The following ARB2A variants were observed in gnomAD, a reference collection of about 807,000 sequenced individuals.
The protein encoded by ARB2A is ARB2 cotranscriptional regulator A, also known as cotranscriptional regulator ARB2A.
At chr5:93,720,133 T>C in the ARB2A span, among the ~76,000 whole-genome samples, 2 of 152,216 alleles carry the variant, frequency 1.3e-5, no homozygotes, top group Non-Finnish European at 2.9e-5. Flanking sequence ...TGTTTCCTCA[T>C]ATCCTTTAAT....
At chr5:94,015,341 A>C in the ARB2A span, among the ~76,000 whole-genome samples, 1 of 152,204 alleles carries the variant, frequency 6.6e-6, no homozygotes, top group Non-Finnish European at 1.5e-5. Context: ...TTTCGTAGAC[A>C]AACAAAAGCT....
the ARB2A span, among the ~76,000 whole-genome samples, chr5:94,001,588 A>T: frequency 6.6e-6 from 1 of 152,034 alleles, no homozygotes; most frequent in Non-Finnish European, 1.5e-5. Flanking sequence ...TTCCTCAGTC[A>T]TGTCCAGTCC....
the ARB2A span, among the ~76,000 whole-genome samples, chr5:93,878,742 A>C: frequency 1.3e-5 from 2 of 152,110 alleles, no homozygotes; most frequent in Non-Finnish European, 2.9e-5. Context: ...CTTTGTCATC[A>C]AATGTTGTTT....
chr5:93,819,409 T>C, the ARB2A span, among the ~76,000 whole-genome samples: 1 of 152,216 alleles, frequency 6.6e-6, no homozygotes, highest in African/African-American at 2.4e-5. Flanking sequence ...CTTGAAGTTA[T>C]ATTACAAATG....
chr5:93,962,426 T>C, the ARB2A span, among the ~76,000 whole-genome samples: 2 of 152,196 alleles, frequency 1.3e-5, no homozygotes, highest in African/African-American at 4.8e-5. Flanking sequence ...AACATAGGCA[T>C]GATCATAATG....
At chr5:93,937,972 A>T in the ARB2A span, among the ~76,000 whole-genome samples, 5 of 152,198 alleles carry the variant, frequency 3.3e-5, no homozygotes, top group African/African-American at 7.2e-5. Context: ...GAGTATTTTG[A>T]ACCTATGGTT....
the ARB2A span, among the ~76,000 whole-genome samples, chr5:93,819,267 G>A: frequency 6.8e-6 from 1 of 147,706 alleles, no homozygotes; most frequent in African/African-American, 2.5e-5. Context: ...TCATGTTGTT[G>A]TAATATACAT....
chr5:94,104,410 A>C, the ARB2A span, among the ~76,000 whole-genome samples: 6 of 151,918 alleles, frequency 3.9e-5, no homozygotes, highest in Non-Finnish European at 7.4e-5. Flanking sequence ...ATCTTAGAGA[A>C]AAATGGATAA....
At chr5:94,014,529 T>C in the ARB2A span, among the ~76,000 whole-genome samples, 1 of 152,034 alleles carries the variant, frequency 6.6e-6, no homozygotes, top group Non-Finnish European at 1.5e-5. Flanking sequence ...ACCATAACTT[T>C]CCCCAAATAG....
At chr5:93,668,091 T>A in the ARB2A span, among the ~76,000 whole-genome samples, 1 of 152,208 alleles carries the variant, frequency 6.6e-6, no homozygotes, top group African/African-American at 2.4e-5. Flanking sequence ...AATATTATGT[T>A]CTTAAAGCTT....
chr5:94,111,631 C>T, the ARB2A span: 1 of 152,270 alleles, frequency 6.6e-6, no homozygotes, highest in Non-Finnish European at 1.5e-5. Flanking sequence ...ATCCGCGCCC[C>T]GACCAAGTTC....
At chr5:93,755,711 C>G in the ARB2A span, among the ~76,000 whole-genome samples, 519 of 152,310 alleles carry the variant, frequency 3.4e-3, 2 homozygotes, top group Non-Finnish European at 5.3e-3. Flanking sequence ...GTAGAGGAAG[C>G]AGCAGAAACG....
the ARB2A span, among the ~76,000 whole-genome samples, chr5:93,924,738 C>T: frequency 6.6e-6 from 1 of 152,042 alleles, no homozygotes; most frequent in South Asian, 2.1e-4. Flanking sequence ...TCAGTAACTA[C>T]CCGGAGGATT....
chr5:93,994,547 A>C, the ARB2A span, among the ~76,000 whole-genome samples: 6 of 152,216 alleles, frequency 3.9e-5, no homozygotes, highest in Non-Finnish European at 7.3e-5. Flanking sequence ...CAACGGGTAC[A>C]TATAGTTGAC....
At chr5:93,978,419 G>A in the ARB2A span, among the ~76,000 whole-genome samples, 2 of 152,244 alleles carry the variant, frequency 1.3e-5, no homozygotes, top group African/African-American at 4.8e-5. Context: ...CATACATGAT[G>A]GAATACTATG....
the ARB2A span, among the ~76,000 whole-genome samples, chr5:94,017,153 G>A: frequency 6.6e-6 from 1 of 152,186 alleles, no homozygotes; most frequent in African/African-American, 2.4e-5. Context: ...TGAATGGAAT[G>A]GCCGGAGTCA....
the ARB2A span, among the ~76,000 whole-genome samples, chr5:93,880,122 T>C: frequency 6.6e-6 from 1 of 151,948 alleles, no homozygotes; most frequent in East Asian, 1.9e-4. Flanking sequence ...GCGTTCTTGC[T>C]TTTCAAATAA....
At chr5:94,004,596 AT>A in the ARB2A span, among the ~76,000 whole-genome samples, 11 of 150,616 alleles carry the variant, frequency 7.3e-5, no homozygotes, top group Admixed American at 6.6e-5. Context: ...AAAAAAAAAA[AT>A]TTTTTTTTGC....
At chr5:93,826,234 T>G in the ARB2A span, among the ~76,000 whole-genome samples, 1 of 152,228 alleles carries the variant, frequency 6.6e-6, no homozygotes, top group African/African-American at 2.4e-5. Context: ...GAAAATGCTT[T>G]GTACGAATAT....
Sources: allele counts gnomAD v4.1 joint callset (sites outside exome capture counted in the v4.1 genomes callset), GRCh38; gene constraint gnomAD v4.1.1; transcripts MANE v1.5; gene names NCBI Gene and HGNC (gene_info 2026-07-23, HGNC 2026-07-21).